GALNT14: variants seen among roughly 807,000 people sequenced by gnomAD.
GALNT14 encodes UDP-GalNAc:polypeptide N-acetylgalactosaminyltransferase 14.
Under a neutral mutation model 77.5 loss-of-function variants are expected in GALNT14, and 60 were observed. That is an observed-to-expected ratio of 0.77 (90% confidence interval 0.63 to 0.96). The LOEUF (loss-of-function observed/expected upper bound fraction) is 0.96. Among genes scored for constraint, GALNT14 ranks in the 40% least tolerant of loss-of-function variants. The pLI is 0.00. For missense variants in GALNT14, 710 were observed against 731.0 expected (o/e 0.97, Z 0.33); for synonymous variants, 280 against 281.7 (o/e 0.99, Z 0.06).
At position 31,043,575 on chromosome 2, in the gene GALNT14, G is replaced by T. The variant is rs185895927; in HGVS notation, c.130-50568C>A. ...AGCAATGGATCTGGTCCCTGCAGGG[G>T]CCATGGTCTGGCTGTGGGGCTCCAG... On this transcript the variant is annotated intron_variant, in intron 1 of 14. Coordinates refer to ENST00000349752, the MANE Select transcript of GALNT14 (RefSeq NM_024572.4). 3.3e-5 allele frequency among the ~76,000 whole-genome samples: 5 copies of T among 152,252 alleles called. No individual in the cohort carries two copies. In the East Asian group the frequency reaches 5.8e-4, roughly 18 times the overall value.
At chr2:31,078,768 G>T (rs6714508) in intron 1 of GALNT14, among the ~76,000 whole-genome samples, 9,028 of 152,254 alleles carry the variant, frequency 0.059, 276 homozygotes, top group South Asian at 0.084. Flanking sequence ...AGGCTGAAAA[G>T]CAGGCAAGCA....
At chr2:31,016,137 C>G (rs938932388) in intron 1 of GALNT14, among the ~76,000 whole-genome samples, 6 of 152,176 alleles carry the variant, frequency 3.9e-5, no homozygotes, top group Non-Finnish European at 5.9e-5. Flanking sequence ...CAGCTCTGGA[C>G]GCTGGCAGTC....
intron 1 of GALNT14, chr2:31,129,715 T>G: frequency 7.6e-6 from 6 of 790,096 alleles, no homozygotes; most frequent in South Asian, 5.7e-5. Context: ...TCTCTATGGC[T>G]GGGAGGTGGG....
intron 2 of GALNT14, among the ~76,000 whole-genome samples, chr2:30,989,560 T>A (rs866875541): frequency 2.4e-4 from 21 of 87,082 alleles, no homozygotes; most frequent in African/African-American, 1.1e-3. Context: ...GGTAAATACC[T>A]TATATATATA....
At chr2:31,113,295 G>A (rs7563786) in intron 1 of GALNT14, among the ~76,000 whole-genome samples, 3,882 of 152,196 alleles carry the variant, frequency 0.026, 119 homozygotes, top group African/African-American at 0.071. Context: ...GAGTCTAAGC[G>A]AGACCTCAGG....
Position 30,924,147 on chromosome 2 carries a change from T to C in GALNT14, c.1352A>G (p.Lys451Arg), listed in dbSNP as rs1027601383. 6 of 1,614,240 alleles carry C rather than the reference T, an allele frequency of 3.7e-6. No individual in the cohort carries two copies. Among genetic ancestry groups the C allele is most frequent in the Non-Finnish European group, 5.1e-6 (6 of 1,180,042 alleles). ...GGACTTTGCATCTTCGCCTTTGACC[T>C]TGGCACAGGGGCTCAACTTTAGGTT... ...TPNLKLSPCA[K>R]VKGEDAKSQV... Residue 451 changes from lysine (K) to arginine (R), a missense_variant, in exon 13 of 15, where the codon AAG becomes AGG. Lys to Arg is a conservative substitution (Grantham distance 26). Coordinates refer to ENST00000349752, the MANE Select transcript of GALNT14 (RefSeq NM_024572.4).
chr2:31,132,681 G>C (rs1357860710), intron 1 of GALNT14: 8 of 470,810 alleles, frequency 1.7e-5, no homozygotes, highest in Non-Finnish European at 4.4e-6. Context: ...GTTCAATCCT[G>C]GGTGTAGGCT....
Position 30,932,163 on chromosome 2 carries a change from GC to G in GALNT14, c.962del (p.Gly321AlafsTer3). On this transcript the variant is annotated frameshift_variant, in exon 10 of 15. Coordinates refer to ENST00000349752, the MANE Select transcript of GALNT14 (RefSeq NM_024572.4). LOFTEE classifies it high-confidence loss of function. ...GGCTGCAGGGGACGATCTCTAGGCT[GC>G]CCCCGCACATCCACACTCGGAAGGA... is the stretch of plus-strand genomic sequence containing the variant. Reference protein sequence around the residue: ...EISFRVWMCGGSLEIVPCSRV... With the variant: ...EISFRVWMCGXSLEIVPCSRV... 2 of 1,547,536 alleles carry G rather than the reference GC, an allele frequency of 1.3e-6. No individual in the cohort carries two copies. The highest frequency in any genetic ancestry group is 1.4e-5 in the African/African-American group (1 of 71,842).
At chr2:31,010,157 TG>T (rs1342985847) in intron 1 of GALNT14, among the ~76,000 whole-genome samples, 1 of 152,212 alleles carries the variant, frequency 6.6e-6, no homozygotes, top group Non-Finnish European at 1.5e-5. Flanking sequence ...GCCTAATTTT[TG>T]TATCTTTTTA....
intron 3 of GALNT14, among the ~76,000 whole-genome samples, chr2:30,960,089 G>T (rs1186768034): frequency 1.3e-5 from 2 of 152,164 alleles, no homozygotes; most frequent in Non-Finnish European, 2.9e-5. Context: ...ACTAGTATCA[G>T]ATGGAGAGAG....
At chr2:30,957,762 T>C (rs1667454303) in intron 4 of GALNT14, among the ~76,000 whole-genome samples, 1 of 152,182 alleles carries the variant, frequency 6.6e-6, no homozygotes, top group South Asian at 2.1e-4. Flanking sequence ...TCCATTTCCC[T>C]CAGTTCGTCA....
intron 13 of GALNT14, among the ~76,000 whole-genome samples, chr2:30,913,915 C>A (rs1220315134): frequency 6.6e-6 from 1 of 152,208 alleles, no homozygotes; most frequent in African/African-American, 2.4e-5. Flanking sequence ...AATAAAAAGT[C>A]ATGAGATACA....
chr2:31,062,355 T>C (rs1185553066), intron 1 of GALNT14, among the ~76,000 whole-genome samples: 1 of 152,234 alleles, frequency 6.6e-6, no homozygotes, highest in Non-Finnish European at 1.5e-5. Flanking sequence ...AATGATGGTT[T>C]CCAGCTTCAT....
intron 1 of GALNT14, among the ~76,000 whole-genome samples, chr2:31,066,987 C>A (rs754042462): frequency 2.6e-4 from 39 of 152,214 alleles, no homozygotes; most frequent in Non-Finnish European, 4.7e-4. Context: ...CCTTTCCCTA[C>A]CCTCTGTAAC....
At chr2:31,134,948 T>G (rs933983874) in intron 1 of GALNT14, among the ~76,000 whole-genome samples, 4 of 152,228 alleles carry the variant, frequency 2.6e-5, no homozygotes, top group Non-Finnish European at 5.9e-5. Flanking sequence ...TTGTCTCCCT[T>G]GTGCAGTTGT....
Position 31,056,094 on chromosome 2 carries a change from C to G in GALNT14, c.130-63087G>C, listed in dbSNP as rs148925115. Reference sequence around the variant, plus strand: ...AAACATCCGTGTGCCCCAAATCACCCAAGAGGCTCATGAAATGCAGATCCC... The same window carrying G: ...AAACATCCGTGTGCCCCAAATCACCGAAGAGGCTCATGAAATGCAGATCCC... On this transcript the variant is annotated intron_variant, in intron 1 of 14. Transcript: ENST00000349752. 7.8e-3 allele frequency among the ~76,000 whole-genome samples: 1,187 copies of G among 152,304 alleles called. 15 individuals are homozygous for G. The highest frequency in any genetic ancestry group is 0.027 in the African/African-American group (1,132 of 41,570).
intron 1 of GALNT14, among the ~76,000 whole-genome samples, chr2:31,079,647 T>G (rs1351255641): frequency 6.6e-6 from 1 of 152,238 alleles, no homozygotes; most frequent in Non-Finnish European, 1.5e-5. Flanking sequence ...CTACGTCTCA[T>G]GTGTTGGCTC....
At chr2:31,025,516 C>T (rs1021354863) in intron 1 of GALNT14, among the ~76,000 whole-genome samples, 1 of 152,162 alleles carries the variant, frequency 6.6e-6, no homozygotes, top group East Asian at 1.9e-4. Flanking sequence ...TGGAGAATGA[C>T]AAGACAGGGC....
chr2:30,901,435 T>TAC, the GALNT14 span, among the ~76,000 whole-genome samples: 38 of 151,824 alleles, frequency 2.5e-4, no homozygotes, highest in South Asian at 6.5e-3. Flanking sequence ...CCTATATGTA[T>TAC]ACACACACAC....
Sources: allele counts gnomAD v4.1 joint callset (sites outside exome capture counted in the v4.1 genomes callset), GRCh38; gene constraint gnomAD v4.1.1; transcripts MANE v1.5; gene names NCBI Gene and HGNC (gene_info 2026-07-23, HGNC 2026-07-21).